Variants in RAPH1 observed in about 807,000 individuals in gnomAD.
The protein encoded by RAPH1 is ras-associated and pleckstrin homology domains-containing protein 1.
Under a neutral mutation model 88.1 loss-of-function variants are expected in RAPH1, and 18 were observed. The ratio of observed to expected loss-of-function variants is 0.20; its 90% confidence interval spans 0.14 to 0.30. The LOEUF (loss-of-function observed/expected upper bound fraction) is 0.30, where lower values mean the gene tolerates loss of function less well. Among genes scored for constraint, RAPH1 ranks in the 10% least tolerant of loss-of-function variants. The probability of loss-of-function intolerance (pLI) is 1.00; values close to 1 mark genes in which losing one functional copy is unlikely to be tolerated. For missense variants in RAPH1, 1,448 were observed against 1,543.2 expected, an observed-to-expected ratio of 0.94 and a Z score of 1.03; for synonymous variants, 587 against 559.0, an observed-to-expected ratio of 1.05 and a Z score of -0.71.
intron 2 of RAPH1, among the ~76,000 whole-genome samples, chr2:203,493,690 T>C (rs989267548): frequency 1.3e-5 from 2 of 152,102 alleles, no homozygotes; most frequent in Non-Finnish European, 2.9e-5. Context: ...CATTCTCCCC[T>C]GGCCAGGTGT....
intron 1 of RAPH1, among the ~76,000 whole-genome samples, chr2:203,510,460 T>G (rs547496005): frequency 6.7e-6 from 1 of 148,568 alleles, no homozygotes; most frequent in Non-Finnish European, 1.5e-5. Flanking sequence ...ATTAAGAGAA[T>G]AGAAATGGGA....
At chr2:203,499,606 G>C (rs938200879) in intron 1 of RAPH1, among the ~76,000 whole-genome samples, 2 of 152,076 alleles carry the variant, frequency 1.3e-5, no homozygotes, top group African/African-American at 4.8e-5. Flanking sequence ...CCAGCTACTT[G>C]AGAGGCTGAG....
intron 1 of RAPH1, among the ~76,000 whole-genome samples, chr2:203,529,849 T>G (rs13014101): frequency 6.6e-6 from 1 of 152,220 alleles, no homozygotes; most frequent in Non-Finnish European, 1.5e-5. Flanking sequence ...TCTAAAGGGA[T>G]GACTTGTTCC....
chr2:203,469,227 G>T (rs2098531092), intron 4 of RAPH1, among the ~76,000 whole-genome samples: 2 of 151,936 alleles, frequency 1.3e-5, no homozygotes, highest in Admixed American at 1.3e-4. Context: ...GAAGAGCTGA[G>T]GAAAAAGGAA....
At chr2:203,491,577 G>A (rs1441319496) in intron 2 of RAPH1, among the ~76,000 whole-genome samples, 1 of 151,762 alleles carries the variant, frequency 6.6e-6, no homozygotes, top group African/African-American at 2.4e-5. Flanking sequence ...CTTAAGTGCC[G>A]TGCCACAAGC....
At chr2:203,472,021 T>A (rs187182977) in intron 4 of RAPH1, among the ~76,000 whole-genome samples, 1 of 152,216 alleles carries the variant, frequency 6.6e-6, no homozygotes, top group Admixed American at 6.5e-5. Context: ...GAAAATTCAA[T>A]TTAGTTTGAG....
At chr2:203,496,287 G>A (rs924503395) in intron 1 of RAPH1, among the ~76,000 whole-genome samples, 2 of 152,200 alleles carry the variant, frequency 1.3e-5, no homozygotes, top group African/African-American at 4.8e-5. Flanking sequence ...GACCCTGGGA[G>A]ACAGAGGTTG....
rs2098495559 is a variant in RAPH1, at chr2:203,433,969, T to TA, written c.*5467dup. ...TAACTGGCAAGAGTAACTTGGAAAA[T>TA]AACTTAATCCAGCAGAACAAAAACA... On this transcript the variant is annotated 3_prime_UTR_variant, in exon 14 of 14. Coordinates refer to ENST00000319170, the MANE Select transcript of RAPH1 (RefSeq NM_213589.3). The TA allele has an allele frequency of 6.6e-6, 1 of 151,998 alleles. No homozygotes were observed. Among genetic ancestry groups the TA allele is most frequent in the Non-Finnish European group, 1.5e-5 (1 of 67,950 alleles). The allele number at this position is 151,998 out of a possible 1,614,324, so 9.4% of individuals were successfully genotyped here.
At position 203,436,405 on chromosome 2, in the gene RAPH1, GA is replaced by G. The variant is rs1397101526; in HGVS notation, c.*3031del. 1 of 152,144 alleles carries G rather than the reference GA, an allele frequency of 6.6e-6. No homozygotes were observed. Among genetic ancestry groups the G allele is most frequent in the Non-Finnish European group, 1.5e-5 (1 of 68,038 alleles). The allele number at this position is 152,144 out of a possible 1,614,324, so 9.4% of individuals were successfully genotyped here. A position where few individuals can be genotyped will look rare whatever the true frequency, so the allele number is the denominator to read the frequency against. On this transcript the variant is annotated 3_prime_UTR_variant, in exon 14 of 14. Coordinates refer to ENST00000319170, the MANE Select transcript of RAPH1 (RefSeq NM_213589.3). ...AGAGAATTACAGCGTCTAAGGGGGGGAAAGAAAGCATCTGAGCAGTAAAAGT... is the reference window on the plus strand; with the variant it reads ...AGAGAATTACAGCGTCTAAGGGGGGGAAGAAAGCATCTGAGCAGTAAAAGT...
chr2:203,461,767 C>A, intron 5 of RAPH1, 81 bp downstream of exon 5: 1 of 973,596 alleles, frequency 1.0e-6, no homozygotes, highest in Non-Finnish European at 1.5e-6. Context: ...CTTAGAAGTA[C>A]ATTACATAAA....
chr2:203,442,148 A>G (rs896502892), intron 13 of RAPH1: 1 of 1,475,968 alleles, frequency 6.8e-7, no homozygotes, highest in African/African-American at 1.4e-5. Context: ...TCATACAGAA[A>G]AAGCCAGAAG....
chr2:203,492,328 T>C (rs1024294466), intron 2 of RAPH1, among the ~76,000 whole-genome samples: 4 of 152,142 alleles, frequency 2.6e-5, no homozygotes, highest in African/African-American at 7.2e-5. Context: ...ATCTTTGCTA[T>C]ATGAAGTACT....
intron 2 of RAPH1, 159 bp downstream of exon 2, chr2:203,495,075 G>A: frequency 1.4e-6 from 1 of 710,578 alleles, no homozygotes; most frequent in Non-Finnish European, 2.3e-6. Context: ...AATATCTTCT[G>A]TTCTAGAATG....
intron 2 of RAPH1, among the ~76,000 whole-genome samples, chr2:203,493,634 G>A (rs1011667236): frequency 1.3e-5 from 2 of 152,164 alleles, no homozygotes; most frequent in African/African-American, 4.8e-5. Context: ...CTTCTGATTA[G>A]AGATGAAGGG....
In RAPH1 at chr2:203,470,737, G is replaced by A. The variant is rs192064500; in HGVS notation, c.733-8812C>T. ...TATATAGCTTTAAATAGTATATTTC[G>A]GTTAGAATAAGACGACATCATTTTT... is the stretch of plus-strand genomic sequence containing the variant. On this transcript the variant is annotated intron_variant, in intron 4 of 13. Transcript: ENST00000319170. Among the ~76,000 whole-genome samples the A allele has an allele frequency of 2.4e-4, 36 of 152,256 alleles. No homozygotes were observed. The East Asian group carries it at 6.2e-3, about 26-fold the overall frequency.
intron 4 of RAPH1, among the ~76,000 whole-genome samples, chr2:203,462,488 T>G (rs6732162): frequency 1.6e-4 from 25 of 152,014 alleles, no homozygotes; most frequent in Non-Finnish European, 3.2e-4. Flanking sequence ...CCAATACAAA[T>G]ATAAGAAGCT....
intron 1 of RAPH1, among the ~76,000 whole-genome samples, chr2:203,503,813 G>C (rs1688849865): frequency 6.6e-6 from 1 of 152,250 alleles, no homozygotes; most frequent in East Asian, 1.9e-4. Flanking sequence ...ACAGGTATTG[G>C]GTAAATACAG....
Position 203,439,855 on chromosome 2 carries a change from G to T in RAPH1, c.3335C>A (p.Ser1112Tyr). The change falls in exon 14 of 14, where the codon TCT becomes TAT. Residue 1112 changes from serine (S) to tyrosine (Y), a missense_variant. By Grantham distance (144) the Ser-to-Tyr change is moderately radical. Around this residue, in one of 2 missense-constraint regions of RAPH1, gnomAD observed 935 missense variants for 890.1 expected, o/e 1.05. Coordinates refer to ENST00000319170, the MANE Select transcript of RAPH1 (RefSeq NM_213589.3). ...AVVNPQPQQW[S>Y]KMSVKKAPPP... ...AGGGGCCTTCTTCACTGACATTTTA[G>T]ACCATTGTTGTGGTTGAGGATTAAC... The T allele has an allele frequency of 6.2e-7, 1 of 1,613,992 alleles. No homozygotes were observed. Among genetic ancestry groups the T allele is most frequent in the Non-Finnish European group, 8.5e-7 (1 of 1,180,004 alleles).
At chr2:203,459,793 G>A in intron 7 of RAPH1, 114 bp downstream of exon 7, 1 of 1,071,022 alleles carries the variant, frequency 9.3e-7, no homozygotes, top group Non-Finnish European at 1.4e-6. Context: ...GGATTTTGCA[G>A]GTATATCGCT....
Sources: gnomAD v4.1 joint callset for allele counts (sites outside exome capture counted in the v4.1 genomes callset) on GRCh38, gnomAD v4.1.1 for gene constraint, gnomAD v4.1.1 regional missense constraint, MANE v1.5 for transcripts, NCBI Gene and HGNC (gene_info 2026-07-23, HGNC 2026-07-21) for gene names.